BST1: variants seen among roughly 807,000 people sequenced by gnomAD.
BST1 encodes the protein bone marrow stromal cell antigen 1.
Under a neutral mutation model 40.6 loss-of-function variants are expected in BST1, and 49 were observed. That is an observed-to-expected ratio of 1.21 (90% CI 0.96 to 1.53). BST1 has a LOEUF of 1.53. Among genes scored for constraint, BST1 ranks in the 40% most tolerant of loss-of-function variants. The pLI is 0.00. For synonymous variants in BST1, 157 were observed against 159.3 expected (o/e 0.99, Z 0.11); for missense variants, 423 against 395.9 (o/e 1.07, Z -0.58).
chr4:15,772,531 T>C, the BST1 span, among the ~76,000 whole-genome samples: 1 of 152,188 alleles, frequency 6.6e-6, no homozygotes, highest in African/African-American at 2.4e-5. Flanking sequence ...TTGTGCAAAC[T>C]CCTGGTCTCC....
chr4:15,772,061 G>T, the BST1 span, among the ~76,000 whole-genome samples: 19 of 151,756 alleles, frequency 1.3e-4, no homozygotes, highest in Non-Finnish European at 2.2e-4. Flanking sequence ...AAAATGGGAA[G>T]AGGGGAGTTC....
chr4:15,749,317 C>G, the BST1 span, among the ~76,000 whole-genome samples: 1 of 152,190 alleles, frequency 6.6e-6, no homozygotes, highest in Non-Finnish European at 1.5e-5. Flanking sequence ...GCACGAGACA[C>G]CAGCACTTTC....
chr4:15,738,698 C>T (rs2148900655), downstream of BST1, among the ~76,000 whole-genome samples: 1 of 152,278 alleles, frequency 6.6e-6, no homozygotes, highest in South Asian at 2.1e-4. Context: ...GAACTGTGTT[C>T]CCTCAAATTC....
chr4:15,740,455 G>A (rs752213823), downstream of BST1, among the ~76,000 whole-genome samples: 4 of 152,098 alleles, frequency 2.6e-5, no homozygotes, highest in African/African-American at 4.8e-5. Context: ...GTCTAGTATC[G>A]GGAGAGGAGG....
chr4:15,769,320 G>T, the BST1 span, among the ~76,000 whole-genome samples: 1 of 152,230 alleles, frequency 6.6e-6, no homozygotes, highest in African/African-American at 2.4e-5. Flanking sequence ...ACTGGGCATG[G>T]TTCTGGTGCT....
chr4:15,746,721 T>G, the BST1 span, among the ~76,000 whole-genome samples: 2 of 152,356 alleles, frequency 1.3e-5, no homozygotes, highest in East Asian at 3.9e-4. Context: ...TGCTCTGGAA[T>G]GGTGGTCACC....
the BST1 span, among the ~76,000 whole-genome samples, chr4:15,749,334 G>T: frequency 6.6e-6 from 1 of 152,174 alleles, no homozygotes; most frequent in African/African-American, 2.4e-5. Context: ...TTTCTGCTAC[G>T]AGCGGGTTTT....
chr4:15,710,067 T>C (rs1416384621), intron 3 of BST1, among the ~76,000 whole-genome samples: 1 of 152,100 alleles, frequency 6.6e-6, no homozygotes, highest in Non-Finnish European at 1.5e-5. Flanking sequence ...TGAACTCCTG[T>C]GCTCAAGCGA....
intron 8 of BST1, among the ~76,000 whole-genome samples, chr4:15,728,175 C>T (rs75020280): frequency 0.031 from 4,640 of 152,016 alleles, 236 homozygotes; most frequent in East Asian, 0.26. Flanking sequence ...ATCCTAAATG[C>T]CCCAGGCCAC....
At chr4:15,730,306 C>A (rs1358015431) in intron 8 of BST1, among the ~76,000 whole-genome samples, 1 of 152,198 alleles carries the variant, frequency 6.6e-6, no homozygotes. Context: ...TCAGTAATTT[C>A]TGTTTTTACA....
downstream of BST1, among the ~76,000 whole-genome samples, chr4:15,733,722 C>T (rs186957280): frequency 1.3e-5 from 2 of 152,226 alleles, no homozygotes; most frequent in Non-Finnish European, 2.9e-5. Flanking sequence ...CACCAGATCT[C>T]GTGAGAACTC....
rs1217938370 is a variant in BST1, at chr4:15,731,892, C to T, written c.*47C>T. ...CCCTCCTCCAGCCCTGCAGCCTCCCCTTGCAGTCATCATTCGTGTTCTGTG... is the reference window on the plus strand; with the variant it reads ...CCCTCCTCCAGCCCTGCAGCCTCCCTTTGCAGTCATCATTCGTGTTCTGTG... On this transcript the variant is annotated 3_prime_UTR_variant, in exon 9 of 9. Coordinates refer to ENST00000265016, the MANE Select transcript of BST1 (RefSeq NM_004334.3). 3 of 1,581,892 alleles carry T rather than the reference C, an allele frequency of 1.9e-6. No individual in the cohort carries two copies. The South Asian group carries it at 3.5e-5, about 18-fold the overall frequency.
In BST1 at chr4:15,713,922, G is replaced by A. The variant is rs764774227; in HGVS notation, c.535-1363G>A. 2.0e-5 allele frequency among the ~76,000 whole-genome samples: 3 copies of A among 151,874 alleles called. 1 individual carries two copies. Among genetic ancestry groups the A allele is most frequent in the Non-Finnish European group, 4.4e-5 (3 of 67,960 alleles). On this transcript the variant is annotated intron_variant, in intron 4 of 8. Transcript: ENST00000265016. ...TTTTGCCATGTTAGCCAGACTGGTC[G>A]CAAACTCCTGACCCCAGGTGATCTG...
chr4:15,753,170 C>T, the BST1 span, among the ~76,000 whole-genome samples: 1 of 152,226 alleles, frequency 6.6e-6, no homozygotes, highest in East Asian at 1.9e-4. Flanking sequence ...CTTCATCTCT[C>T]TGATATAAAT....
the BST1 span, among the ~76,000 whole-genome samples, chr4:15,753,349 G>C: frequency 6.6e-6 from 1 of 152,188 alleles, no homozygotes; most frequent in Non-Finnish European, 1.5e-5. Context: ...GATAAAGGCG[G>C]TCTGGAAAAG....
the BST1 span, among the ~76,000 whole-genome samples, chr4:15,766,414 T>C: frequency 2.0e-5 from 3 of 151,936 alleles, no homozygotes; most frequent in African/African-American, 7.3e-5. Context: ...AGAAGCTGAC[T>C]TTTGATGAAC....
In BST1 at chr4:15,732,656, C is replaced by T. The variant is rs565606647; in HGVS notation, c.*811C>T. On this transcript the variant is annotated 3_prime_UTR_variant, in exon 9 of 9. Transcript: ENST00000265016. ...ATAATGAGGGAAAAACCCAAAATAT[C>T]CAGTAATATTTACATATTTACTGAA... 1 of 152,240 alleles carries T rather than the reference C, an allele frequency of 6.6e-6. No homozygotes were observed. Among genetic ancestry groups the T allele is most frequent in the South Asian group, 2.1e-4 (1 of 4,822 alleles). 9.4% of individuals were successfully genotyped at this position (152,240 alleles called of 1,614,324 possible). A position where few individuals can be genotyped will look rare whatever the true frequency, so the allele number is the denominator to read the frequency against.
the BST1 span, among the ~76,000 whole-genome samples, chr4:15,746,749 C>T: frequency 0.033 from 5,043 of 152,282 alleles, 282 homozygotes; most frequent in African/African-American, 0.12. Context: ...GTGTTTACTT[C>T]ATCTTTCCTA....
chr4:15,746,447 A>G, the BST1 span, among the ~76,000 whole-genome samples: 1 of 152,220 alleles, frequency 6.6e-6, no homozygotes, highest in African/African-American at 2.4e-5. Flanking sequence ...GCATCGCACT[A>G]GTATCTGGTG....
Sources: gnomAD v4.1 joint callset for allele counts (sites outside exome capture counted in the v4.1 genomes callset) on GRCh38, gnomAD v4.1.1 for gene constraint, MANE v1.5 for transcripts, NCBI Gene and HGNC (gene_info 2026-07-23, HGNC 2026-07-21) for gene names.